Variants in DNMT1 observed in about 807,000 individuals in gnomAD.
DNMT1 encodes DNA (cytosine-5)-methyltransferase 1.
DNMT1 carries 24 observed loss-of-function variants against 205.3 expected under a neutral mutation model. That is an observed-to-expected ratio of 0.12 (90% CI 0.08 to 0.16). DNMT1 has a LOEUF of 0.16. Among genes scored for constraint, DNMT1 ranks in the 10% least tolerant of loss-of-function variants. The pLI, the probability that DNMT1 is intolerant of heterozygous loss-of-function variation, is 1.00. For synonymous variants in DNMT1, 817 were observed against 839.8 expected (o/e 0.97, Z 0.47); for missense variants, 1,293 against 2,177.7 (o/e 0.59, Z 8.09).
Position 10,151,272 on chromosome 19 carries a change from GCAAA to G in DNMT1, c.2265+122_2265+125del. 2 of 1,402,308 alleles carry G rather than the reference GCAAA, an allele frequency of 1.4e-6. No homozygotes were observed. The allele number at this position is 1,402,308 out of a possible 1,614,324, so 86.9% of individuals were successfully genotyped here. A position where few individuals can be genotyped will look rare whatever the true frequency, so the allele number is the denominator to read the frequency against. On this transcript the variant is annotated intron_variant, in intron 24 of 40. Coordinates refer to ENST00000359526, the MANE Select transcript of DNMT1 (RefSeq NM_001130823.3). The surrounding 1 kb of genome is among the most constrained non-coding windows in gnomAD (Gnocchi z 5.0). ...TTGGCCAGTCCCGCTCTTCTCAGGG[GCAAA>G]CAGACAGGTTTCTTAGTGCCGGGGC...
chr19:10,190,571 T>C (rs1173797415), intron 1 of DNMT1, among the ~76,000 whole-genome samples: 13 of 151,952 alleles, frequency 8.6e-5, no homozygotes, highest in Admixed American at 8.5e-4. Flanking sequence ...AACACCAGCC[T>C]GGCCAACACG....
chr19:10,171,059 C>T (rs777119628), intron 9 of DNMT1, among the ~76,000 whole-genome samples: 6 of 152,084 alleles, frequency 3.9e-5, no homozygotes, highest in Non-Finnish European at 8.8e-5. Context: ...CCACCCACCT[C>T]GGCCTCCCAA....
At chr19:10,178,117 CG>C (rs2038970413) in intron 5 of DNMT1, among the ~76,000 whole-genome samples, 1 of 151,520 alleles carries the variant, frequency 6.6e-6, no homozygotes, top group African/African-American at 2.4e-5. Context: ...ATTAGCTGGG[CG>C]TGGTGGCACG....
intron 9 of DNMT1, 65 bp from the exon 10 acceptor site, chr19:10,168,429 G>T (rs1344736593): frequency 8.4e-6 from 13 of 1,546,098 alleles, no homozygotes; most frequent in Non-Finnish European, 1.1e-5. Flanking sequence ...CTATTAAAGT[G>T]TCCTATGGAA....
rs577069147 is a variant in DNMT1, at chr19:10,138,477, C to G, written c.4077G>C (p.Val1359=). ...TCACAAACTTCTTGTCATCCACCAC[C>G]ACGCTCAGCTGGCAGGCCCGGGGAG... ...VFAPRACQLS[V]VVDDKKFVSN... is the part of the protein sequence containing the mutation. Residue 1359 remains valine, a synonymous_variant, in exon 35 of 41, where the codon GTG becomes GTC. Transcript: ENST00000359526. This position sits in a 1 kb window ranked among gnomAD's most constrained non-coding sequence, Gnocchi z 4.1. 189 of 1,613,974 alleles carry G rather than the reference C, an allele frequency of 1.2e-4. 1 individual carries two copies. The East Asian group carries it at 3.6e-3, about 31-fold the overall frequency.
rs2038455593 is a variant in DNMT1, at chr19:10,156,279, T to C, written c.1399+112A>G. 3 of 866,418 alleles carry C rather than the reference T, an allele frequency of 3.5e-6. No individual in the cohort carries two copies. The highest frequency in any genetic ancestry group is 5.8e-6 in the Non-Finnish European group (3 of 514,196). 53.7% of individuals were successfully genotyped at this position (866,418 alleles called of 1,614,324 possible). ...CCAGGCTCGTCTCAAACTCCCGGGC[T>C]CAAGTGATCCTCTGGCCTCAGACCC... On this transcript the variant is annotated intron_variant, in intron 18 of 40. Transcript: ENST00000359526. This position sits in a 1 kb window ranked among gnomAD's most constrained non-coding sequence, Gnocchi z 4.2.
chr19:10,134,441 G>A, intron 39 of DNMT1, 134 bp from the exon 40 acceptor site: 1 of 753,464 alleles, frequency 1.3e-6, no homozygotes, highest in East Asian at 2.7e-5. Context: ...TTCTGGTCCT[G>A]CTCACATGGG....
In DNMT1 at chr19:10,133,385, A is replaced by T. The variant is rs2089415190; in HGVS notation, c.*282T>A. ...GATTTATTTGAAGAAATATTACAAC[A>T]TATAAAAACTACATAAAGTCTTAAT... is the stretch of plus-strand genomic sequence containing the variant. On this transcript the variant is annotated 3_prime_UTR_variant, in exon 41 of 41. Transcript: ENST00000359526. The surrounding 1 kb of genome is among the most constrained non-coding windows in gnomAD (Gnocchi z 4.1). The T allele has an allele frequency of 1.9e-6, 1 of 515,534 alleles. No homozygotes were observed. The highest frequency in any genetic ancestry group is 3.5e-6 in the Non-Finnish European group (1 of 288,140). 31.9% of individuals were successfully genotyped at this position (515,534 alleles called of 1,614,324 possible).
chr19:10,146,651 G>A lies in DNMT1; in HGVS notation c.2721-127C>T. On this transcript the variant is annotated intron_variant, in intron 27 of 40. Transcript: ENST00000359526. This position sits in a 1 kb window ranked among gnomAD's most constrained non-coding sequence, Gnocchi z 4.4. ...AAAAAACATTTGCAGATGCTAGAAG[G>A]AAGAGGTGGCTTTCTTGTGCTTTGT... 3 of 1,222,316 alleles carry A rather than the reference G, an allele frequency of 2.5e-6. No individual in the cohort carries two copies. Among genetic ancestry groups the A allele is most frequent in the Admixed American group, 2.2e-5 (1 of 44,770 alleles). 75.7% of individuals were successfully genotyped at this position (1,222,316 alleles called of 1,614,324 possible).
chr19:10,152,326 T>C (rs11670665), intron 22 of DNMT1, among the ~76,000 whole-genome samples: 3 of 134,840 alleles, frequency 2.2e-5, no homozygotes, highest in Non-Finnish European at 4.7e-5. Context: ...AAACAAACGG[T>C]GAATTAAGAC....
chr19:10,144,116 A>T, intron 28 of DNMT1, 129 bp from the exon 29 acceptor site: 1 of 980,722 alleles, frequency 1.0e-6, no homozygotes, highest in Non-Finnish European at 1.6e-6. Context: ...GTGTACCCTA[A>T]GAAATGATTT....
At chr19:10,149,038 G>C in intron 26 of DNMT1, 21 bp from the exon 27 acceptor site, 2 of 1,613,454 alleles carry the variant, frequency 1.2e-6, no homozygotes, top group Non-Finnish European at 1.7e-6. Context: ...AAGAATGCGT[G>C]TCAGGCCAGG....
In DNMT1 at chr19:10,156,461, G is replaced by A. The variant is rs767165265; in HGVS notation, c.1329C>T (p.Ile443=). ...AAAAGAAGAGTTCGATATTCTTCTC[G>A]ATGAGGCCGGTGTCGATGGGACACA... ...GHLCPIDTGL[I]EKNIELFFSG... is the part of the protein sequence containing the mutation. The change falls in exon 18 of 41, where the codon ATC becomes ATT. Residue 443 remains isoleucine, a synonymous_variant. Coordinates refer to ENST00000359526, the MANE Select transcript of DNMT1 (RefSeq NM_001130823.3). This position sits in a 1 kb window ranked among gnomAD's most constrained non-coding sequence, Gnocchi z 4.2. The A allele has an allele frequency of 9.9e-6, 16 of 1,613,398 alleles. No homozygotes were observed. Among genetic ancestry groups the A allele is most frequent in the East Asian group, 2.2e-5 (1 of 44,866 alleles).
intron 1 of DNMT1, among the ~76,000 whole-genome samples, chr19:10,190,793 AATAAAATAAAAT>A (rs199763680): frequency 0.13 from 19,030 of 148,148 alleles, 1,864 homozygotes; most frequent in East Asian, 0.4. Context: ...AATAAAATAA[AATAAAATAAAAT>A]AAAATAAAAT....
At chr19:10,157,925 T>C (rs945372200) in intron 17 of DNMT1, among the ~76,000 whole-genome samples, 1 of 152,148 alleles carries the variant, frequency 6.6e-6, no homozygotes, top group African/African-American at 2.4e-5. Flanking sequence ...CACTGGTTGG[T>C]AGGCCAGACC....
rs1425325797 is a variant in DNMT1 at position 10,146,694 on chromosome 19, A to C, written c.2721-170T>G. Among the ~76,000 whole-genome samples the C allele has an allele frequency of 1.3e-5, 2 of 152,196 alleles. No homozygotes were observed. Among genetic ancestry groups the C allele is most frequent in the African/African-American group, 2.4e-5 (1 of 41,462 alleles). ...TGCTTTGTGTTGACATTTTGAAGGCACTTATTTGAGACCAAAGCCCAGAGA... is the reference window on the plus strand; with the variant it reads ...TGCTTTGTGTTGACATTTTGAAGGCCCTTATTTGAGACCAAAGCCCAGAGA... On this transcript the variant is annotated intron_variant, in intron 27 of 40. Transcript: ENST00000359526. The surrounding 1 kb of genome is among the most constrained non-coding windows in gnomAD (Gnocchi z 4.4).
At chr19:10,174,544 A>G (rs1459771789) in intron 7 of DNMT1, among the ~76,000 whole-genome samples, 1 of 151,878 alleles carries the variant, frequency 6.6e-6, no homozygotes, top group Admixed American at 6.6e-5. Flanking sequence ...CATCTCTACT[A>G]AAAATATAAA....
intron 1 of DNMT1, 74 bp downstream of exon 1, chr19:10,194,746 C>T (rs1209024588): frequency 6.6e-7 from 1 of 1,513,238 alleles, no homozygotes; most frequent in Non-Finnish European, 8.9e-7. Context: ...CACCGGCCAC[C>T]CCGAGGGGAA....
intron 6 of DNMT1, among the ~76,000 whole-genome samples, chr19:10,176,761 G>A (rs1317668867): frequency 1.3e-5 from 2 of 152,190 alleles, no homozygotes; most frequent in East Asian, 3.9e-4. Flanking sequence ...AGGAGGCTGA[G>A]GCAGGAGAAT....
Sources: gnomAD v4.1 joint callset for allele counts (sites outside exome capture counted in the v4.1 genomes callset) on GRCh38, gnomAD v4.1.1 for gene constraint, Gnocchi (gnomAD v3.1) non-coding constraint, MANE v1.5 for transcripts, NCBI Gene and HGNC (gene_info 2026-07-23, HGNC 2026-07-21) for gene names.